Variants in CSMD1 observed in about 807,000 individuals in gnomAD.
The protein encoded by CSMD1 is CUB and sushi domain-containing protein 1.
Under a neutral mutation model 417.5 loss-of-function variants are expected in CSMD1, and 213 were observed. The observed-to-expected ratio is 0.51, with a 90% CI of 0.46 to 0.57. CSMD1 has a LOEUF of 0.57. Among genes scored for constraint, CSMD1 ranks in the 20% least tolerant of loss-of-function variants. CSMD1 has a pLI of 0.00. For synonymous variants in CSMD1, 2,862 were observed against 1,736.8 expected, an observed-to-expected ratio of 1.65 and a Z score of -16.11; for missense variants, 6,923 against 4,529.7, an observed-to-expected ratio of 1.53 and a Z score of -15.17.
chr8:3,772,676 T>G (rs1017668620), intron 5 of CSMD1, among the ~76,000 whole-genome samples: 8 of 146,826 alleles, frequency 5.4e-5, no homozygotes, highest in Non-Finnish European at 1.2e-4. Flanking sequence ...TATATATACA[T>G]ATATACATAT....
At chr8:3,997,858 G>A (rs749197393) in intron 5 of CSMD1, 45 bp downstream of exon 5, 6 of 1,538,204 alleles carry the variant, frequency 3.9e-6, no homozygotes, top group African/African-American at 1.4e-5. Context: ...AAAAAACGGG[G>A]AAAACACACC....
Position 3,367,242 on chromosome 8 carries a change from G to C in CSMD1, c.2905C>G (p.Gln969Glu), listed in dbSNP as rs754776658. ...AGATGAAAGGTGTGAAAGATCATTT[G>C]AACTCCTGAGAAATGAAGCCGGGGG... is the stretch of plus-strand genomic sequence containing the variant. ...TIEVSHGKGV[Q>E]MIFHTFHLES... Residue 969 changes from glutamine to glutamate, a missense_variant, in exon 20 of 70, where the codon CAA becomes GAA. Gln to Glu is a conservative substitution (Grantham distance 29). Coordinates refer to ENST00000635120, the MANE Select transcript of CSMD1 (RefSeq NM_033225.6). 20 of 1,607,332 alleles carry C rather than the reference G, an allele frequency of 1.2e-5. No homozygotes were observed. Among genetic ancestry groups the C allele is most frequent in the Non-Finnish European group, 1.5e-5 (18 of 1,176,168 alleles).
At chr8:3,166,906 T>C (rs1820255636) in intron 37 of CSMD1, among the ~76,000 whole-genome samples, 1 of 152,188 alleles carries the variant, frequency 6.6e-6, no homozygotes, top group Admixed American at 6.5e-5. Flanking sequence ...GAGAAATAAT[T>C]TGTACTTCTT....
chr8:3,974,692 C>G (rs189918100), intron 5 of CSMD1, among the ~76,000 whole-genome samples: 382 of 150,780 alleles, frequency 2.5e-3, no homozygotes, highest in African/African-American at 8.8e-3. Flanking sequence ...TTTTACATAA[C>G]AGAATGAAAA....
chr8:3,949,041 G>C (rs1180293831), intron 5 of CSMD1, among the ~76,000 whole-genome samples: 2 of 152,050 alleles, frequency 1.3e-5, no homozygotes, highest in Non-Finnish European at 2.9e-5. Context: ...TAATTCATGA[G>C]TGTGATATTA....
At chr8:3,165,605 T>C (rs1381055229) in intron 37 of CSMD1, among the ~76,000 whole-genome samples, 1 of 151,930 alleles carries the variant, frequency 6.6e-6, no homozygotes, top group Non-Finnish European at 1.5e-5. Context: ...CTAATTTTTT[T>C]ATATTTTTAG....
intron 15 of CSMD1, among the ~76,000 whole-genome samples, chr8:3,400,807 TTATATA>T (rs964869348): frequency 2.0e-5 from 3 of 150,684 alleles, no homozygotes; most frequent in African/African-American, 7.3e-5. Context: ...TTTTGATATA[TTATATA>T]TATATATTTT....
At chr8:4,943,297 C>T (rs1294724711) in intron 1 of CSMD1, among the ~76,000 whole-genome samples, 1 of 151,966 alleles carries the variant, frequency 6.6e-6, no homozygotes, top group African/African-American at 2.4e-5. Context: ...AGATCAAGAT[C>T]GTCCTGGCTG....
intron 5 of CSMD1, among the ~76,000 whole-genome samples, chr8:3,929,900 G>C (rs1164529932): frequency 2.7e-5 from 4 of 150,158 alleles, no homozygotes; most frequent in African/African-American, 9.8e-5. Context: ...GACCTCAGGT[G>C]ATCTACCTGC....
rs979119137 is a variant in CSMD1, at chr8:2,939,278, C to A, written c.10536-534G>T. On this transcript the variant is annotated intron_variant, in intron 69 of 69. Coordinates refer to ENST00000635120, the MANE Select transcript of CSMD1 (RefSeq NM_033225.6). ...AACAGGGTTGTGGGCATATGCCTAGCCTTTAGCACGGTATGCTTACACTAA... is the reference window on the plus strand; with the variant it reads ...AACAGGGTTGTGGGCATATGCCTAGACTTTAGCACGGTATGCTTACACTAA... Among the ~76,000 whole-genome samples, 5 of 152,302 alleles carry A rather than the reference C, an allele frequency of 3.3e-5. No homozygotes were observed. In the South Asian group the frequency reaches 6.2e-4, roughly 19 times the overall value.
chr8:4,241,764 C>T (rs952721683), intron 3 of CSMD1, among the ~76,000 whole-genome samples: 10 of 149,474 alleles, frequency 6.7e-5, no homozygotes, highest in South Asian at 2.1e-4. Context: ...AGTGCAGTGG[C>T]GTGATCTCAG....
At position 3,733,415 on chromosome 8, in the gene CSMD1, G is replaced by T. The variant is rs1307384361; in HGVS notation, c.931+20515C>A. ...TGGATTAGATGATAGAAACCTGTAA[G>T]AATGTACTTTTGATTTGGTGTATGT... On this transcript the variant is annotated intron_variant, in intron 6 of 69. Transcript: ENST00000635120. 2.0e-5 allele frequency among the ~76,000 whole-genome samples: 3 copies of T among 149,420 alleles called. No individual in the cohort carries two copies. In the South Asian group the frequency reaches 6.3e-4, roughly 31 times the overall value.
At chr8:3,698,721 C>T (rs376076185) in intron 7 of CSMD1, among the ~76,000 whole-genome samples, 9 of 152,270 alleles carry the variant, frequency 5.9e-5, no homozygotes, top group African/African-American at 2.2e-4. Flanking sequence ...GTGTTTCTCA[C>T]AGATGAGTAA....
At chr8:4,647,491 G>A (rs926517426) in intron 1 of CSMD1, among the ~76,000 whole-genome samples, 1 of 148,276 alleles carries the variant, frequency 6.7e-6, no homozygotes, top group Admixed American at 6.6e-5. Context: ...TGCCATGGTG[G>A]TTTGTTACGT....
intron 1 of CSMD1, among the ~76,000 whole-genome samples, chr8:4,687,042 G>A (rs1281963050): frequency 6.6e-6 from 1 of 152,200 alleles, no homozygotes; most frequent in Non-Finnish European, 1.5e-5. Context: ...TGCACCCATG[G>A]CAGATGTCTT....
chr8:3,876,004 C>T (rs553581514), intron 5 of CSMD1, among the ~76,000 whole-genome samples: 3 of 152,176 alleles, frequency 2.0e-5, no homozygotes, highest in Admixed American at 1.3e-4. Context: ...TTTCTTCCTA[C>T]AGTTCTATTT....
chr8:4,526,684 C>A lies in CSMD1; in HGVS notation c.303-106619G>T, dbSNP rs73660897. On this transcript the variant is annotated intron_variant, in intron 2 of 69. Transcript: ENST00000635120. ...AAATATCCTAGAAGTATTAGAAAAC[C>A]AGAAACGTAGGGTTATTATAATTAT... 1.1e-3 allele frequency among the ~76,000 whole-genome samples: 160 copies of A among 152,148 alleles called. 2 individuals are homozygous for A. The highest frequency in any genetic ancestry group is 3.7e-3 in the African/African-American group (154 of 41,510).
At chr8:3,150,340 C>A (rs1368166709) in intron 40 of CSMD1, among the ~76,000 whole-genome samples, 3 of 152,284 alleles carry the variant, frequency 2.0e-5, no homozygotes, top group East Asian at 1.9e-4. Flanking sequence ...TTCCACAGTC[C>A]TCCTCTTTTC....
chr8:4,126,192 A>G (rs956667320), intron 3 of CSMD1, among the ~76,000 whole-genome samples: 1 of 151,910 alleles, frequency 6.6e-6, no homozygotes, highest in African/African-American at 2.4e-5. Context: ...ACCATTAAAA[A>G]CCCTGATCCC....
Sources: allele counts gnomAD v4.1 joint callset (sites outside exome capture counted in the v4.1 genomes callset), GRCh38; gene constraint gnomAD v4.1.1; transcripts MANE v1.5; gene names NCBI Gene and HGNC (gene_info 2026-07-23, HGNC 2026-07-21).